Variants in FAM184B observed in about 807,000 individuals in gnomAD.
FAM184B encodes family with sequence similarity 184 member B, also known as protein FAM184B.
A neutral mutation model predicts 135.9 loss-of-function variants in FAM184B; 111 were observed. The ratio of observed to expected loss-of-function variants is 0.82; its 90% CI spans 0.70 to 0.96. The LOEUF (loss-of-function observed/expected upper bound fraction) is 0.96. FAM184B is among the 40% of genes least tolerant of loss of function. The pLI is 0.00. For synonymous variants in FAM184B, 552 were observed against 524.8 expected (o/e 1.05, Z -0.71); for missense variants, 1,375 against 1,323.9 (o/e 1.04, Z -0.60).
At chr4:17,674,224 G>T (rs143575285) in intron 7 of FAM184B, among the ~76,000 whole-genome samples, 4 of 152,210 alleles carry the variant, frequency 2.6e-5, no homozygotes, top group Non-Finnish European at 5.9e-5. Flanking sequence ...ATACCTCAGA[G>T]ATATTGTAGG....
chr4:17,649,383 GACCAT>G lies in FAM184B; in HGVS notation c.2192-1597_2192-1593del, dbSNP rs546004872. Among the ~76,000 whole-genome samples, 774 of 152,132 alleles carry G rather than the reference GACCAT, an allele frequency of 5.1e-3. 3 individuals are homozygous for G. Among genetic ancestry groups the G allele is most frequent in the Middle Eastern group, 0.017 (5 of 292 alleles). On this transcript the variant is annotated intron_variant, in intron 11 of 17. Transcript: ENST00000265018. ...GTGGATCACGAGGTCAGGAGATCGA[GACCAT>G]ACTGGCTAACATGGTGAAACCCCGT...
At chr4:17,744,101 C>T (rs1718102982) in intron 1 of FAM184B, among the ~76,000 whole-genome samples, 1 of 152,184 alleles carries the variant, frequency 6.6e-6, no homozygotes, top group Admixed American at 6.5e-5. Context: ...TCACATCTTT[C>T]TGATTTTTCT....
At chr4:17,730,216 A>T (rs1717743908) in intron 1 of FAM184B, among the ~76,000 whole-genome samples, 1 of 152,222 alleles carries the variant, frequency 6.6e-6, no homozygotes, top group Admixed American at 6.5e-5. Flanking sequence ...GTTTAGAGAA[A>T]AAAGAATAAA....
rs1305156935 is a variant in FAM184B at position 17,664,544 on chromosome 4, C to G, written c.1694+18G>C. 6.5e-7 allele frequency: 1 copy of G among 1,534,666 alleles called. No individual in the cohort carries two copies. The highest frequency in any genetic ancestry group is 2.4e-5 in the East Asian group (1 of 40,848). Reference sequence around the variant, plus strand: ...CTCATTCAATGGAGCACTCAGAAGTCTGCATGTCCTCCTGTACCTTTCTTC... The same window carrying G: ...CTCATTCAATGGAGCACTCAGAAGTGTGCATGTCCTCCTGTACCTTTCTTC... On this transcript the variant is annotated intron_variant, in intron 8 of 17. Transcript: ENST00000265018.
At chr4:17,690,455 G>A (rs1716706960) in intron 6 of FAM184B, among the ~76,000 whole-genome samples, 1 of 152,190 alleles carries the variant, frequency 6.6e-6, no homozygotes, top group Non-Finnish European at 1.5e-5. Context: ...TTTAGGAAGG[G>A]AGGAGTGGGG....
chr4:17,715,174 A>T (rs138389939), intron 1 of FAM184B, among the ~76,000 whole-genome samples: 20 of 152,210 alleles, frequency 1.3e-4, no homozygotes, highest in African/African-American at 4.8e-4. Flanking sequence ...ATTTCTGTAC[A>T]TAAAGAAATT....
chr4:17,636,462 C>A, intron 15 of FAM184B, 66 bp downstream of exon 15: 2 of 1,251,994 alleles, frequency 1.6e-6, no homozygotes, highest in Non-Finnish European at 2.3e-6. Flanking sequence ...CAAGTGAACG[C>A]CCCTCCCGGG....
rs1715034457 is a variant in FAM184B, at chr4:17,633,701, T to A, written c.3077A>T (p.Lys1026Ile). ...TYKPNQSTDA[K>I]TATRTPDGET... ...ACATCCCCCAAACCTTGTGGCAGTT[T>A]TTGCATCTGTAGACTGGTTGGGTTT... The change falls in exon 17 of 18, where the codon AAA (lysine) becomes ATA (isoleucine). Residue 1026 changes from lysine to isoleucine, a missense_variant. Transcript: ENST00000265018. 1 of 1,534,614 alleles carries A rather than the reference T, an allele frequency of 6.5e-7. No individual in the cohort carries two copies. Among genetic ancestry groups the A allele is most frequent in the Non-Finnish European group, 8.8e-7 (1 of 1,138,494 alleles).
In FAM184B at chr4:17,652,915, C is replaced by T. The variant is rs182379301; in HGVS notation, c.2106G>A (p.Leu702=). Residue 702 remains leucine, a synonymous_variant, in exon 11 of 18, where the codon CTG becomes CTA. Coordinates refer to ENST00000265018, the MANE Select transcript of FAM184B (RefSeq NM_015688.2). ...SLQIQHQTHR[L]ELQALEEKAR... is the part of the protein sequence containing the mutation. ...CCTTTTCCTCCAAGGCCTGGAGCTC[C>T]AGTCGGTGTGTCTGGTGTTGGATCT... 76 of 1,551,762 alleles carry T rather than the reference C, an allele frequency of 4.9e-5. No homozygotes were observed. The East Asian group carries it at 1.3e-3, about 27-fold the overall frequency.
intron 7 of FAM184B, among the ~76,000 whole-genome samples, chr4:17,666,469 CTTTTT>C (rs386399397): frequency 7.0e-5 from 4 of 57,162 alleles, no homozygotes; most frequent in East Asian, 6.5e-4. Context: ...GTGCCTGGTT[CTTTTT>C]TTTTTTTTTT....
intron 7 of FAM184B, among the ~76,000 whole-genome samples, chr4:17,666,670 C>T (rs1277293897): frequency 5.3e-5 from 8 of 151,240 alleles, no homozygotes; most frequent in Non-Finnish European, 1.2e-4. Context: ...AATCTCACCC[C>T]CCTCACTCTC....
chr4:17,768,809 CTT>C (rs113896675), intron 1 of FAM184B, among the ~76,000 whole-genome samples: 4 of 144,580 alleles, frequency 2.8e-5, no homozygotes, highest in African/African-American at 5.0e-5. Flanking sequence ...TTTCTTTTTT[CTT>C]TTTTTTTTTT....
At chr4:17,656,819 CCTCT>C (rs1181315638) in intron 10 of FAM184B, among the ~76,000 whole-genome samples, 2 of 152,110 alleles carry the variant, frequency 1.3e-5, no homozygotes, top group African/African-American at 2.4e-5. Flanking sequence ...TTTCCTCCTC[CCTCT>C]CTGTCTCCTG....
chr4:17,646,412 G>C (rs988581456), intron 12 of FAM184B, among the ~76,000 whole-genome samples: 9 of 152,214 alleles, frequency 5.9e-5, no homozygotes, highest in African/African-American at 1.9e-4. Context: ...AAAAAGGAAT[G>C]AGTTCATGTC....
intron 1 of FAM184B, among the ~76,000 whole-genome samples, chr4:17,769,408 G>C (rs1446898177): frequency 2.6e-5 from 4 of 151,874 alleles, no homozygotes; most frequent in Admixed American, 2.6e-4. Context: ...TTCAAAAATG[G>C]GTGTGTTTTC....
chr4:17,666,342 C>T (rs1716048567), intron 7 of FAM184B, among the ~76,000 whole-genome samples: 1 of 143,864 alleles, frequency 7.0e-6, no homozygotes, highest in Non-Finnish European at 1.5e-5. Context: ...CTCACTCTGT[C>T]ACCCAGGCTG....
At chr4:17,649,697 CTG>C (rs1715557888) in intron 11 of FAM184B, among the ~76,000 whole-genome samples, 1 of 151,802 alleles carries the variant, frequency 6.6e-6, no homozygotes, top group Non-Finnish European at 1.5e-5. Flanking sequence ...TTTTTGAAAA[CTG>C]TTATCACAAG....
At chr4:17,776,061 G>T (rs946335748) in intron 1 of FAM184B, among the ~76,000 whole-genome samples, 2 of 152,022 alleles carry the variant, frequency 1.3e-5, no homozygotes, top group Admixed American at 6.5e-5. Flanking sequence ...AATAAATAAG[G>T]GCTCTGTAGG....
At chr4:17,706,306 G>T (rs138352325) in intron 3 of FAM184B, among the ~76,000 whole-genome samples, 3 of 152,180 alleles carry the variant, frequency 2.0e-5, no homozygotes, top group Non-Finnish European at 2.9e-5. Context: ...ACCTCTGCTC[G>T]AAACCCACAA....
Sources: gnomAD v4.1 joint callset for allele counts (sites outside exome capture counted in the v4.1 genomes callset) on GRCh38, gnomAD v4.1.1 for gene constraint, MANE v1.5 for transcripts, NCBI Gene and HGNC (gene_info 2026-07-23, HGNC 2026-07-21) for gene names.